The following CACNA1A variants were observed in gnomAD, a reference collection of about 807,000 sequenced individuals.
The protein encoded by CACNA1A is voltage-dependent P/Q-type calcium channel subunit alpha-1A.
In CACNA1A, 57 loss-of-function variants were observed where a neutral mutation model predicts 262.4. The observed-to-expected ratio is 0.22, with a 90% CI of 0.18 to 0.27. The LOEUF (loss-of-function observed/expected upper bound fraction) is 0.27. CACNA1A is among the 10% of genes least tolerant of loss of function. The pLI is 1.00. For missense variants in CACNA1A, 2,526 were observed against 3,562.8 expected, an observed-to-expected ratio of 0.71 and a Z score of 7.41; for synonymous variants, 1,431 against 1,419.3, an observed-to-expected ratio of 1.01 and a Z score of -0.18.
intron 6 of CACNA1A, among the ~76,000 whole-genome samples, chr19:13,346,615 A>T (rs2145189095): frequency 1.7e-5 from 1 of 60,360 alleles, no homozygotes; most frequent in Non-Finnish European, 2.9e-5. Flanking sequence ...TTTTTAATTG[A>T]TTATATATAT....
rs1568709923 is a variant in CACNA1A at position 13,497,556 on chromosome 19, ATATATATATATATATATAT to A, written c.293+8357_293+8375del. ...TATATATATATATATATATATATAT[ATATATATATATATATATAT>A]ATATAAATTTATGTTGTTAAAGCTG... On this transcript the variant is annotated intron_variant, in intron 1 of 46. Coordinates refer to ENST00000360228, the MANE Select transcript of CACNA1A (RefSeq NM_001127222.2). 1.2e-3 allele frequency among the ~76,000 whole-genome samples: 73 copies of A among 60,476 alleles called. 3 individuals carry two copies. Among genetic ancestry groups the A allele is most frequent in the East Asian group, 2.3e-3 (4 of 1,716 alleles). 39.7% of individuals were successfully genotyped at this position (60,476 alleles called of 152,430 possible). A position where few individuals can be genotyped will look rare whatever the true frequency, so the allele number is the denominator to read the frequency against.
intron 1 of CACNA1A, among the ~76,000 whole-genome samples, chr19:13,494,238 T>A (rs188583613): frequency 6.6e-6 from 1 of 152,356 alleles, no homozygotes; most frequent in Non-Finnish European, 1.5e-5. Context: ...CATTAAAATG[T>A]CTTCAGAGAT....
At chr19:13,284,283 G>A (rs1047656366) in intron 21 of CACNA1A, 1 of 152,198 alleles carries the variant, frequency 6.6e-6, no homozygotes, top group East Asian at 1.9e-4. Context: ...GCCTGGCACT[G>A]AGTAGATACC....
chr19:13,245,952 G>A (rs1210161874), intron 30 of CACNA1A, among the ~76,000 whole-genome samples: 3 of 152,120 alleles, frequency 2.0e-5, no homozygotes, highest in South Asian at 4.1e-4. Flanking sequence ...GATTATAGGC[G>A]TGAGCCACCA....
rs972919175 is a variant in CACNA1A at position 13,333,484 on chromosome 19, G to C, written c.1199-559C>G. On this transcript the variant is annotated intron_variant, in intron 8 of 46. Coordinates refer to ENST00000360228, the MANE Select transcript of CACNA1A (RefSeq NM_001127222.2). Reference sequence around the variant, plus strand: ...GAGTCTCACTCTGTTGCCCAGGCTGGAGTGCAGTGGTGCGACCTCAGCTCA... The same window carrying C: ...GAGTCTCACTCTGTTGCCCAGGCTGCAGTGCAGTGGTGCGACCTCAGCTCA... 1.3e-5 allele frequency among the ~76,000 whole-genome samples: 2 copies of C among 151,984 alleles called. 1 individual carries two copies. The highest frequency in any genetic ancestry group is 1.3e-4 in the Admixed American group (2 of 15,244).
intron 3 of CACNA1A, among the ~76,000 whole-genome samples, chr19:13,407,789 G>A (rs2060037902): frequency 6.6e-6 from 1 of 152,180 alleles, no homozygotes; most frequent in Non-Finnish European, 1.5e-5. Context: ...TCAGGAGTTA[G>A]AGACCAGCCT....
At chr19:13,443,620 T>C (rs2060762354) in intron 3 of CACNA1A, among the ~76,000 whole-genome samples, 1 of 152,214 alleles carries the variant, frequency 6.6e-6, no homozygotes, top group South Asian at 2.1e-4. Context: ...GTGCTGAGAT[T>C]ATAGGTGGGT....
chr19:13,452,700 G>T, intron 3 of CACNA1A, 176 bp downstream of exon 3: 1 of 606,674 alleles, frequency 1.6e-6, no homozygotes, highest in Non-Finnish European at 2.9e-6. Flanking sequence ...AGCATCTGCT[G>T]TAATATACAG....
chr19:13,360,842 T>C (rs1397030037), intron 5 of CACNA1A, among the ~76,000 whole-genome samples: 1 of 152,248 alleles, frequency 6.6e-6, no homozygotes. Flanking sequence ...GGCATGTCTG[T>C]TAATCTGCAA....
chr19:13,307,654 G>T, intron 15 of CACNA1A, 128 bp downstream of exon 15: 3 of 701,122 alleles, frequency 4.3e-6, no homozygotes, highest in Non-Finnish European at 7.6e-6. Flanking sequence ...TAAAATCTGT[G>T]TTTCAAAGTG....
At chr19:13,217,002 G>T (rs887140415) in intron 38 of CACNA1A, among the ~76,000 whole-genome samples, 6 of 152,082 alleles carry the variant, frequency 3.9e-5, no homozygotes, top group Admixed American at 3.9e-4. Context: ...GCGTGGTGGC[G>T]TGCGCCTGTA....
At chr19:13,356,571 G>C (rs1486785366) in intron 6 of CACNA1A, among the ~76,000 whole-genome samples, 1 of 152,142 alleles carries the variant, frequency 6.6e-6, no homozygotes, top group Non-Finnish European at 1.5e-5. Flanking sequence ...CATGCTTCCT[G>C]TCCCACCACT....
rs549050308 is a variant in CACNA1A, at chr19:13,430,219, T to TATATA, written c.539+22656_539+22657insTATAT. On this transcript the variant is annotated intron_variant, in intron 3 of 46. Transcript: ENST00000360228. ...ACCACAATGAAATATATATATATATTTTTTGAGACAGAGTTTCGCTCTTGT... is the reference window on the plus strand; with the variant it reads ...ACCACAATGAAATATATATATATATTATATATTTTGAGACAGAGTTTCGCTCTTGT... Among the ~76,000 whole-genome samples the TATATA allele has an allele frequency of 4.9e-3, 730 of 149,772 alleles. 4 individuals are homozygous for TATATA. Among genetic ancestry groups the TATATA allele is most frequent in the African/African-American group, 6.7e-3 (270 of 40,256 alleles).
intron 3 of CACNA1A, chr19:13,452,172 GC>G (rs2060928825): frequency 6.6e-6 from 1 of 152,062 alleles, no homozygotes; most frequent in African/African-American, 2.4e-5. Flanking sequence ...ATAAACTTCT[GC>G]CGTGTTTAAG....
chr19:13,301,949 A>G (rs2057797401), intron 17 of CACNA1A, among the ~76,000 whole-genome samples: 1 of 148,912 alleles, frequency 6.7e-6, no homozygotes. Flanking sequence ...CATCTGCCTC[A>G]GAAACACCTA....
intron 2 of CACNA1A, among the ~76,000 whole-genome samples, chr19:13,453,358 A>T (rs141798530): frequency 5.2e-4 from 79 of 152,378 alleles, no homozygotes; most frequent in African/African-American, 1.7e-3. Flanking sequence ...GCAATAAAAT[A>T]AAAAACACAG....
chr19:13,252,704 T>G, intron 30 of CACNA1A: 1 of 212,100 alleles, frequency 4.7e-6, no homozygotes, highest in Non-Finnish European at 9.3e-6. Flanking sequence ...TTCAGTTTTC[T>G]TATCTCTAAA....
At chr19:13,406,151 A>AT (rs1415711903) in intron 3 of CACNA1A, among the ~76,000 whole-genome samples, 2 of 151,762 alleles carry the variant, frequency 1.3e-5, no homozygotes, top group African/African-American at 4.8e-5. Context: ...CCACATCTCT[A>AT]TAAAAAAAGG....
Position 13,231,941 on chromosome 19 carries a change from C to T in CACNA1A, c.5250-81G>A, listed in dbSNP as rs1462604159. On this transcript the variant is annotated intron_variant, in intron 34 of 46. Transcript: ENST00000360228. The stretch of plus-strand genomic sequence containing the variant: ...GCCTCCCCAGGAGGTGGAGCACACA[C>T]GTTGAGCACTTGGGCTCTGGAGCTG... 9 of 1,447,190 alleles carry T rather than the reference C, an allele frequency of 6.2e-6. 1 individual carries two copies. Among genetic ancestry groups the T allele is most frequent in the South Asian group, 3.9e-5 (3 of 76,406 alleles). 89.6% of individuals were successfully genotyped at this position (1,447,190 alleles called of 1,614,324 possible). A position where few individuals can be genotyped will look rare whatever the true frequency, so the allele number is the denominator to read the frequency against.
Sources: allele counts gnomAD v4.1 joint callset (sites outside exome capture counted in the v4.1 genomes callset), GRCh38; gene constraint gnomAD v4.1.1; transcripts MANE v1.5; gene names NCBI Gene and HGNC (gene_info 2026-07-23, HGNC 2026-07-21).